The following RNLS variants were observed in gnomAD, a reference collection of about 807,000 sequenced individuals.
RNLS encodes renalase.
Under a neutral mutation model 39.8 loss-of-function variants are expected in RNLS, and 39 were observed. The ratio of observed to expected loss-of-function variants is 0.98; its 90% confidence interval spans 0.76 to 1.28. The LOEUF (loss-of-function observed/expected upper bound fraction) is 1.28. Ranked by LOEUF, RNLS falls within the 50% of genes most tolerant of loss-of-function variation. The pLI is 0.00. For synonymous variants in RNLS, 147 were observed against 150.7 expected (o/e 0.98, Z 0.18); for missense variants, 410 against 413.3 (o/e 0.99, Z 0.07).
At chr10:88,484,946 A>G (rs1353978984) in intron 4 of RNLS, among the ~76,000 whole-genome samples, 1 of 151,904 alleles carries the variant, frequency 6.6e-6, no homozygotes, top group Non-Finnish European at 1.5e-5. Context: ...CAGTGTATAT[A>G]TCTCATATAT....
chr10:88,326,526 G>C (rs1334311158), intron 5 of RNLS, among the ~76,000 whole-genome samples: 1 of 152,214 alleles, frequency 6.6e-6, no homozygotes, highest in African/African-American at 2.4e-5. Context: ...AAGTGTTCAA[G>C]ATGTGGTCTG....
At chr10:88,364,855 A>C (rs1849925162) in intron 4 of RNLS, among the ~76,000 whole-genome samples, 1 of 152,130 alleles carries the variant, frequency 6.6e-6, no homozygotes, top group South Asian at 2.1e-4. Context: ...GAGGAGGTGA[A>C]ACATTAATGC....
intron 4 of RNLS, among the ~76,000 whole-genome samples, chr10:88,500,656 A>T (rs1589904907): frequency 6.6e-6 from 1 of 152,306 alleles, no homozygotes; most frequent in East Asian, 1.9e-4. Context: ...GGGTTGATGC[A>T]AAAGTAATTG....
At chr10:88,177,683 T>C in the RNLS span, among the ~76,000 whole-genome samples, 1 of 152,274 alleles carries the variant, frequency 6.6e-6, no homozygotes, top group African/African-American at 2.4e-5. Context: ...ATGTTGATAT[T>C]TGTGCATCTG....
intron 6 of RNLS, among the ~76,000 whole-genome samples, chr10:88,296,310 C>G (rs1044977934): frequency 1.3e-5 from 2 of 152,040 alleles, no homozygotes; most frequent in African/African-American, 4.8e-5. Flanking sequence ...ACTTTTCCTC[C>G]TGAACTGGGC....
At chr10:88,513,247 T>C (rs1224443612) in intron 4 of RNLS, among the ~76,000 whole-genome samples, 1 of 152,156 alleles carries the variant, frequency 6.6e-6, no homozygotes, top group Non-Finnish European at 1.5e-5. Context: ...CACTTCATAA[T>C]ATATCTTGCA....
intron 4 of RNLS, among the ~76,000 whole-genome samples, chr10:88,495,975 C>T (rs1375923753): frequency 1.3e-5 from 2 of 151,928 alleles, no homozygotes; most frequent in Non-Finnish European, 2.9e-5. Flanking sequence ...TTTAAAAAGT[C>T]GTGGTTGGGG....
At position 88,386,115 on chromosome 10, in the gene RNLS, C is replaced by CA. The variant is rs537487177; in HGVS notation, c.527-23391dup. ...TTACCATGTTAACCGAAATTTCGTA[C>CA]ATTTCACCTGCAGGATATGCAGTCG... On this transcript the variant is annotated intron_variant, in intron 4 of 6. Coordinates refer to ENST00000331772, the MANE Select transcript of RNLS (RefSeq NM_001031709.3). Among the ~76,000 whole-genome samples the CA allele has an allele frequency of 3.7e-3, 560 of 152,292 alleles. 3 individuals are homozygous for CA. Among genetic ancestry groups the CA allele is most frequent in the African/African-American group, 0.013 (535 of 41,558 alleles).
intron 4 of RNLS, among the ~76,000 whole-genome samples, chr10:88,435,468 C>T (rs532287485): frequency 5.4e-5 from 8 of 149,422 alleles, no homozygotes; most frequent in African/African-American, 2.0e-4. Context: ...TAAAAAAAGA[C>T]CAAAAAAATT....
At chr10:88,320,056 A>G (rs1846062836) in intron 5 of RNLS, among the ~76,000 whole-genome samples, 1 of 151,930 alleles carries the variant, frequency 6.6e-6, no homozygotes, top group Non-Finnish European at 1.5e-5. Context: ...GGGATAAATT[A>G]CCCATAAAGG....
chr10:88,310,225 C>T (rs960502498), intron 6 of RNLS, among the ~76,000 whole-genome samples: 17 of 151,854 alleles, frequency 1.1e-4, no homozygotes, highest in Admixed American at 1.3e-4. Context: ...AAAATGTATG[C>T]GTAAATAAAT....
intron 4 of RNLS, among the ~76,000 whole-genome samples, chr10:88,381,413 A>G (rs1851482570): frequency 6.6e-6 from 1 of 151,930 alleles, no homozygotes. Context: ...TTTTAAAAAT[A>G]CAATATTTTC....
chr10:88,530,017 G>T, intron 4 of RNLS, among the ~76,000 whole-genome samples: 1 of 152,068 alleles, frequency 6.6e-6, no homozygotes. Context: ...GGTATCATAT[G>T]GCAAATAGAA....
chr10:88,190,737 G>T, the RNLS span, among the ~76,000 whole-genome samples: 61 of 152,188 alleles, frequency 4.0e-4, no homozygotes, highest in African/African-American at 1.4e-3. Flanking sequence ...CTCCACCCTT[G>T]TTTATACACA....
chr10:88,238,380 C>T, the RNLS span, among the ~76,000 whole-genome samples: 1 of 152,152 alleles, frequency 6.6e-6, no homozygotes, highest in Non-Finnish European at 1.5e-5. Flanking sequence ...AACAAACACA[C>T]CATTTGAAAG....
At chr10:88,310,986 T>C (rs1206805220) in intron 6 of RNLS, among the ~76,000 whole-genome samples, 2 of 152,126 alleles carry the variant, frequency 1.3e-5, no homozygotes, top group Non-Finnish European at 2.9e-5. Context: ...TGAATATCAA[T>C]GTATTCATTC....
chr10:88,423,651 T>C (rs1418482), intron 4 of RNLS, among the ~76,000 whole-genome samples: 18,054 of 152,248 alleles, frequency 0.12, 1,170 homozygotes, highest in Admixed American at 0.2. Context: ...AGCCTACTTA[T>C]TGGATTTATA....
At chr10:88,262,402 T>G in the RNLS span, among the ~76,000 whole-genome samples, 1 of 152,184 alleles carries the variant, frequency 6.6e-6, no homozygotes, top group Non-Finnish European at 1.5e-5. Flanking sequence ...AAGTGAAATT[T>G]GAGGTTCTTT....
intron 6 of RNLS, among the ~76,000 whole-genome samples, chr10:88,300,995 T>G (rs991384011): frequency 6.6e-6 from 1 of 152,212 alleles, no homozygotes; most frequent in African/African-American, 2.4e-5. Flanking sequence ...TGGGGGCAAG[T>G]GAATATATTT....
Sources: allele counts gnomAD v4.1 joint callset (sites outside exome capture counted in the v4.1 genomes callset), GRCh38; gene constraint gnomAD v4.1.1; transcripts MANE v1.5; gene names NCBI Gene and HGNC (gene_info 2026-07-23, HGNC 2026-07-21).